Variants in MAN2B1 observed in about 807,000 individuals in gnomAD.
MAN2B1 encodes the protein mannosidase alpha class 2B member 1.
MAN2B1 carries 99 observed loss-of-function variants against 127.5 expected under a neutral mutation model. The ratio of observed to expected loss-of-function variants is 0.78; its 90% confidence interval spans 0.66 to 0.92. MAN2B1 has a LOEUF of 0.92. Among genes scored for constraint, MAN2B1 ranks in the 40% least tolerant of loss-of-function variants. MAN2B1 has a pLI of 0.00. For missense variants in MAN2B1, 1,304 were observed against 1,384.8 expected (o/e 0.94, Z 0.93); for synonymous variants, 573 against 568.8 (o/e 1.01, Z -0.11).
rs745490401 is a variant in MAN2B1 at position 12,647,184 on chromosome 19, G to A, written c.2923+49C>T. 20 of 1,526,368 alleles carry A rather than the reference G, an allele frequency of 1.3e-5. No individual in the cohort carries two copies. The highest frequency in any genetic ancestry group is 5.0e-5 in the Admixed American group (3 of 59,860). 94.6% of individuals were successfully genotyped at this position (1,526,368 alleles called of 1,614,324 possible). ...GCCTCACACATTGCCCCCACCTGCC[G>A]GCCCCAGGTAAGACTCCACCCCTTC... is the stretch of plus-strand genomic sequence containing the variant. On this transcript the variant is annotated intron_variant, in intron 23 of 23. Transcript: ENST00000456935. The surrounding 1 kb of genome is among the most constrained non-coding windows in gnomAD (Gnocchi z 4.9).
At position 12,658,124 on chromosome 19, in the gene MAN2B1, C is replaced by T; in HGVS notation, c.1248G>A (p.Glu416=). The change falls in exon 10 of 24, where the codon GAG becomes GAA. Residue 416 remains glutamate (E), a synonymous_variant. Coordinates refer to ENST00000456935, the MANE Select transcript of MAN2B1 (RefSeq NM_000528.4). ...CGTTGGCCGCCAGGCCCACCAGCGC[C>T]TCCAGCTGGTTGCACACCTGGAGGC... ...YNFLQVCNQL[E]ALVGLAANVG... is the part of the protein sequence containing the mutation. 1 of 1,613,620 alleles carries T rather than the reference C, an allele frequency of 6.2e-7. No individual in the cohort carries two copies. Among genetic ancestry groups the T allele is most frequent in the Non-Finnish European group, 8.5e-7 (1 of 1,180,004 alleles).
At position 12,652,372 on chromosome 19, in the gene MAN2B1, G is replaced by T. The variant is rs896029570; in HGVS notation, c.1919C>A (p.Thr640Asn). ...GGTGATCTTCCCTTACCAGAAGAAG[G>T]TCTGGCGAACAGGCAGCAGGAGTTG... Reference protein sequence around the residue: ...NQQLLLPVRQTFFWYNASIGD... With the variant: ...NQQLLLPVRQNFFWYNASIGD... The change falls in exon 15 of 24, where the codon ACC becomes AAC. Residue 640 changes from threonine (T) to asparagine (N), a missense_variant. By Grantham distance (65) the Thr-to-Asn change is moderately conservative. Coordinates refer to ENST00000456935, the MANE Select transcript of MAN2B1 (RefSeq NM_000528.4). The T allele has an allele frequency of 6.2e-7, 1 of 1,613,848 alleles. No homozygotes were observed. Among genetic ancestry groups the T allele is most frequent in the Non-Finnish European group, 8.5e-7 (1 of 1,179,902 alleles).
chr19:12,657,618 C>T, intron 10 of MAN2B1, 63 bp from the exon 11 acceptor site: 1 of 1,384,062 alleles, frequency 7.2e-7, no homozygotes. Context: ...CAAGGGGAAG[C>T]GAAAGGTCCG....
chr19:12,656,458 GAT>G, intron 13 of MAN2B1, 111 bp downstream of exon 13: 1 of 756,880 alleles, frequency 1.3e-6, no homozygotes, highest in Non-Finnish European at 2.4e-6. Context: ...GGGGGGAAGA[GAT>G]ATGCATGAGT....
rs200413076 is a variant in MAN2B1, at chr19:12,666,567, G to A, written c.135C>T (p.Ala45=). 5.2e-4 allele frequency: 826 copies of A among 1,586,038 alleles called. 11 individuals carry two copies. The East Asian group carries it at 0.015, about 30-fold the overall frequency. The part of the protein sequence containing the change: ...LCFFLLLLAA[A]GARAGGYETC... ...CCTCGTATCCCCCGGCCCGAGCACC[G>A]GCAGCCGCCAGCAACAAAAGGAAAA... is the stretch of plus-strand genomic sequence containing the variant. Residue 45 remains alanine, a synonymous_variant, in exon 1 of 24, where the codon GCC becomes GCT. Coordinates refer to ENST00000456935, the MANE Select transcript of MAN2B1 (RefSeq NM_000528.4).
rs942342696 is a variant in MAN2B1 at position 12,661,347 on chromosome 19, C to G, written c.939G>C (p.Val313=). 3 of 1,613,992 alleles carry G rather than the reference C, an allele frequency of 1.9e-6. No homozygotes were observed. Among genetic ancestry groups the G allele is most frequent in the Admixed American group, 3.3e-5 (2 of 60,016 alleles). ...ATTGGAAGTCCGAGCCCATGGTCAT[C>G]ACAGTGTGGTTGGTGCGGTAATACC... The part of the protein sequence containing the change: ...QGRYYRTNHT[V]MTMGSDFQYE... Residue 313 remains valine (V), a synonymous_variant, in exon 7 of 24, where the codon GTG becomes GTC. Coordinates refer to ENST00000456935, the MANE Select transcript of MAN2B1 (RefSeq NM_000528.4).
rs117586044 is a variant in MAN2B1 at position 12,661,152 on chromosome 19, A to G, written c.1026+108T>C. On this transcript the variant is annotated intron_variant, in intron 7 of 23. Transcript: ENST00000456935. ...GGTCATTTGTTATAGAATGACCACA[A>G]TAGAACAATAGAAAACAAAGACAGC... 5,470 of 807,058 alleles carry G rather than the reference A, an allele frequency of 6.8e-3. 33 individuals are homozygous for G. The highest frequency in any genetic ancestry group is 0.018 in the Middle Eastern group (52 of 2,852). 50.0% of individuals were successfully genotyped at this position (807,058 alleles called of 1,614,324 possible).
At chr19:12,665,897 G>T (rs1405449423) in intron 1 of MAN2B1, 92 bp from the exon 2 acceptor site, 2 of 972,194 alleles carry the variant, frequency 2.1e-6, no homozygotes, top group Admixed American at 1.9e-5. Context: ...GAGTGACTCA[G>T]AGAGGCCTGA....
In MAN2B1 at chr19:12,649,907, C is replaced by G; in HGVS notation, c.2267+6G>C. The G allele has an allele frequency of 6.2e-7, 1 of 1,611,896 alleles. No homozygotes were observed. The highest frequency in any genetic ancestry group is 8.5e-7 in the Non-Finnish European group (1 of 1,178,848). ...CACCCCCTCAGTGCTCTCAGTCACC[C>G]CCCACCTCCTCTCCAGGATCTCCCG... On this transcript the variant is annotated splice_donor_region_variant and intron_variant, in intron 18 of 23. Coordinates refer to ENST00000456935, the MANE Select transcript of MAN2B1 (RefSeq NM_000528.4).
intron 14 of MAN2B1, among the ~76,000 whole-genome samples, 162 bp from the exon 15 acceptor site, chr19:12,652,622 C>T (rs1207089156): frequency 6.6e-6 from 1 of 150,690 alleles, no homozygotes; most frequent in Non-Finnish European, 1.5e-5. Flanking sequence ...CCCCCCACCT[C>T]CCGGGTTCAA....
rs763257568 is a variant in MAN2B1, at chr19:12,663,781, G to A, written c.685C>T (p.Arg229Trp). The A allele has an allele frequency of 1.1e-5, 17 of 1,614,052 alleles. No individual in the cohort carries two copies. The highest frequency in any genetic ancestry group is 2.7e-5 in the African/African-American group (2 of 74,926). ...GRLDYQDKWVRMQKLEMEQVW... is the reference protein window; with the variant it reads ...GRLDYQDKWVWMQKLEMEQVW... ...TGCTCCATCTCCAGCTTCTGCATCC[G>A]TACCCACTTATCTTGATAATCAAGG... Residue 229 changes from arginine to tryptophan, a missense_variant, in exon 5 of 24, where the codon CGG becomes TGG. Physicochemically the swap from Arg to Trp is moderately radical, Grantham distance 101 (BLOSUM62 -3). Transcript: ENST00000456935.
intron 10 of MAN2B1, chr19:12,657,810 C>G (rs2024004732): frequency 3.3e-6 from 2 of 607,394 alleles, no homozygotes; most frequent in African/African-American, 3.7e-5. Flanking sequence ...AAAAAATTAG[C>G]CGGGCGTGGT....
Position 12,658,314 on chromosome 19 carries a change from G to GT in MAN2B1, c.1139dup (p.Tyr380Ter). Residue 380 changes from tyrosine (Y) to a stop codon, truncating the protein, a stop_gained and frameshift_variant, in exon 9 of 24, where the codon TAC (tyrosine) becomes TAAC (stop). Coordinates refer to ENST00000456935, the MANE Select transcript of MAN2B1 (RefSeq NM_000528.4). LOFTEE classifies it high-confidence loss of function. ...WSVKHDDFFPYADGPHQFWTG... is the reference protein window; with the variant it reads ...WSVKHDDFFP Reference sequence around the variant, plus strand: ...TCCAGAACTGGTGGGGGCCATCCGCGTAAGGGAAGAAGTCGTCATGTTTCA... The same window carrying GT: ...TCCAGAACTGGTGGGGGCCATCCGCGTTAAGGGAAGAAGTCGTCATGTTTCA... The GT allele has an allele frequency of 6.2e-7, 1 of 1,614,230 alleles. No individual in the cohort carries two copies. The highest frequency in any genetic ancestry group is 1.1e-5 in the South Asian group (1 of 91,092).
intron 7 of MAN2B1, among the ~76,000 whole-genome samples, chr19:12,659,656 T>TA (rs998870238): frequency 6.6e-6 from 1 of 151,874 alleles, no homozygotes; most frequent in Non-Finnish European, 1.5e-5. Context: ...CTGCCTCTAC[T>TA]AAAAATACAA....
rs2023694204 is a variant in MAN2B1, at chr19:12,646,650, G to T, written c.3006C>A (p.Ala1002=). ...CATCCACCTCCTTCCATTGAACTGA[G>T]GCCAGGAAAGTGCGGATTTCCATGG... ...LEPMEIRTFL[A]SVQWKEVDG Residue 1002 remains alanine (A), a synonymous_variant, in exon 24 of 24, where the codon GCC becomes GCA. Transcript: ENST00000456935. 1.9e-5 allele frequency: 31 copies of T among 1,613,790 alleles called. No homozygotes were observed. The East Asian group carries it at 6.9e-4, about 36-fold the overall frequency.
chr19:12,649,149 G>A lies in MAN2B1; in HGVS notation c.2423C>T (p.Ser808Leu), dbSNP rs1275304830. 5.6e-6 allele frequency: 9 copies of A among 1,612,068 alleles called. No homozygotes were observed. Among genetic ancestry groups the A allele is most frequent in the Middle Eastern group, 2.2e-4 (1 of 4,608 alleles). ...SQGGSSLRDGSLELMVHRRLL... is the reference protein window; with the variant it reads ...SQGGSSLRDGLLELMVHRRLL... ...TGACCCACTCACCATGAGCTCCAGC[G>A]AGCCATCTCTCAGGCTGCTGCCCCC... is the stretch of plus-strand genomic sequence containing the variant. Residue 808 changes from serine (S) to leucine (L), a missense_variant, in exon 20 of 24, where the codon TCG (serine) becomes TTG (leucine). Ser to Leu is a moderately radical substitution (Grantham distance 145). Transcript: ENST00000456935.
intron 5 of MAN2B1, 104 bp from the exon 6 acceptor site, chr19:12,663,566 A>C: frequency 6.4e-7 from 1 of 1,561,940 alleles, no homozygotes; most frequent in South Asian, 1.1e-5. Context: ...TTTGTGTCCC[A>C]ATGCAAAAGG....
In MAN2B1 at chr19:12,663,331, C is replaced by T. The variant is rs151037468; in HGVS notation, c.895G>A (p.Val299Met). Residue 299 changes from valine to methionine, a missense_variant, in exon 6 of 24, where the codon GTG becomes ATG. Physicochemically the swap from Val to Met is conservative, Grantham distance 21. Transcript: ENST00000456935. ...ACCAGGGTTACCTGGGCAGTGGCCA[C>T]ATTTAGGAAGTAATCGACCAGCTCC... Reference protein sequence around the residue: ...AKELVDYFLNVATAQGRYYRT... With the variant: ...AKELVDYFLNMATAQGRYYRT... The T allele has an allele frequency of 6.2e-6, 10 of 1,614,070 alleles. No individual in the cohort carries two copies. In the African/African-American group the frequency reaches 1.2e-4, roughly 19 times the overall value.
intron 10 of MAN2B1, 92 bp from the exon 11 acceptor site, chr19:12,657,647 CT>C: frequency 8.8e-7 from 1 of 1,142,850 alleles, no homozygotes; most frequent in Non-Finnish European, 1.3e-6. Flanking sequence ...GGGCAGGATT[CT>C]TAGAGGCTTT....
Sources: gnomAD v4.1 joint callset for allele counts (sites outside exome capture counted in the v4.1 genomes callset) on GRCh38, gnomAD v4.1.1 for gene constraint, Gnocchi (gnomAD v3.1) non-coding constraint, MANE v1.5 for transcripts, NCBI Gene and HGNC (gene_info 2026-07-23, HGNC 2026-07-21) for gene names.